NKAIN2: variants seen among roughly 807,000 people sequenced by gnomAD.
NKAIN2 encodes the protein sodium/potassium transporting ATPase interacting 2, also known as sodium/potassium-transporting ATPase subunit beta-1-interacting protein 2.
NKAIN2 carries 14 observed loss-of-function variants against 32.6 expected under a neutral mutation model. That is an observed-to-expected ratio of 0.43 (90% CI 0.28 to 0.67). NKAIN2 has a LOEUF of 0.67. NKAIN2 is among the 30% of genes least tolerant of loss of function. The probability of loss-of-function intolerance (pLI) is 0.17; values close to 1 mark genes in which losing one functional copy is unlikely to be tolerated. For synonymous variants in NKAIN2, 80 were observed against 87.2 expected (o/e 0.92, Z 0.46); for missense variants, 198 against 258.3 (o/e 0.77, Z 1.60).
intron 1 of NKAIN2, among the ~76,000 whole-genome samples, chr6:123,873,201 A>G (rs1277787688): frequency 5.1e-5 from 3 of 59,306 alleles, no homozygotes; most frequent in East Asian, 8.7e-4. Context: ...CCCACCCGCC[A>G]TGGAAGAGCT....
At chr6:124,420,494 G>A (rs1454874672) in intron 3 of NKAIN2, among the ~76,000 whole-genome samples, 1 of 152,068 alleles carries the variant, frequency 6.6e-6, no homozygotes, top group Middle Eastern at 3.2e-3. Context: ...ACAAAGAAAA[G>A]CATAAAGCTA....
At chr6:124,491,677 G>A (rs1462546116) in intron 3 of NKAIN2, among the ~76,000 whole-genome samples, 2 of 151,828 alleles carry the variant, frequency 1.3e-5, no homozygotes, top group African/African-American at 4.8e-5. Context: ...TATCTTTGAA[G>A]AGAATGTTCA....
chr6:124,588,252 A>T (rs1159525332), intron 3 of NKAIN2, among the ~76,000 whole-genome samples: 2 of 152,194 alleles, frequency 1.3e-5, no homozygotes, highest in African/African-American at 4.8e-5. Flanking sequence ...TGTACACATC[A>T]CTTTAAGTAT....
intron 1 of NKAIN2, among the ~76,000 whole-genome samples, chr6:124,086,030 TA>T (rs1784175893): frequency 6.6e-6 from 1 of 151,986 alleles, no homozygotes; most frequent in Non-Finnish European, 1.5e-5. Context: ...AGTTTTCATA[TA>T]AAAGAAGGAT....
intron 2 of NKAIN2, among the ~76,000 whole-genome samples, chr6:124,303,358 G>T (rs904895109): frequency 6.6e-6 from 1 of 152,168 alleles, no homozygotes; most frequent in African/African-American, 2.4e-5. Flanking sequence ...CTTATGTAAA[G>T]CATAGTCTTC....
intron 1 of NKAIN2, among the ~76,000 whole-genome samples, chr6:124,214,835 C>G (rs1426213248): frequency 6.6e-6 from 1 of 152,172 alleles, no homozygotes; most frequent in Non-Finnish European, 1.5e-5. Flanking sequence ...CCCATCTGAG[C>G]AATCAGACAT....
chr6:124,121,092 G>A (rs958219951), intron 1 of NKAIN2, among the ~76,000 whole-genome samples: 3 of 152,030 alleles, frequency 2.0e-5, no homozygotes, highest in African/African-American at 4.8e-5. Context: ...TTCTGCAAAC[G>A]GATAGAAATT....
chr6:124,156,081 TG>T (rs1235371668), intron 1 of NKAIN2, among the ~76,000 whole-genome samples: 4 of 152,060 alleles, frequency 2.6e-5, no homozygotes, highest in African/African-American at 9.7e-5. Context: ...AGGTTATTTT[TG>T]AAAAGATGTG....
intron 1 of NKAIN2, among the ~76,000 whole-genome samples, chr6:124,089,517 G>A (rs1166713262): frequency 6.6e-6 from 1 of 151,848 alleles, no homozygotes; most frequent in African/African-American, 2.4e-5. Flanking sequence ...TTCACCAGTA[G>A]AGCATACATT....
At chr6:124,128,248 AC>A (rs2115000939) in intron 1 of NKAIN2, among the ~76,000 whole-genome samples, 1 of 152,310 alleles carries the variant, frequency 6.6e-6, no homozygotes, top group African/African-American at 2.4e-5. Context: ...GAAATCTCAT[AC>A]CTGCATTATG....
intron 1 of NKAIN2, among the ~76,000 whole-genome samples, chr6:123,978,310 C>G (rs1022768328): frequency 2.0e-5 from 3 of 152,100 alleles, no homozygotes; most frequent in African/African-American, 7.2e-5. Context: ...ATAATTTAAA[C>G]TTATTGCTGC....
intron 1 of NKAIN2, among the ~76,000 whole-genome samples, chr6:124,101,887 GA>G (rs1265659477): frequency 6.6e-6 from 1 of 152,158 alleles, no homozygotes; most frequent in African/African-American, 2.4e-5. Context: ...ACAGAGCCTA[GA>G]TATAACCAGC....
chr6:124,397,801 A>T (rs1289746043), intron 3 of NKAIN2, among the ~76,000 whole-genome samples: 1 of 152,122 alleles, frequency 6.6e-6, no homozygotes, highest in African/African-American at 2.4e-5. Context: ...TGAAAGTCAA[A>T]ACTGTTTTTC....
chr6:123,858,969 A>G (rs1054706687), intron 1 of NKAIN2, among the ~76,000 whole-genome samples: 3 of 152,212 alleles, frequency 2.0e-5, no homozygotes, highest in Non-Finnish European at 4.4e-5. Context: ...TTATAAGCAC[A>G]TATATTGACA....
At chr6:123,971,422 C>A (rs12173621) in intron 1 of NKAIN2, among the ~76,000 whole-genome samples, 6,686 of 151,944 alleles carry the variant, frequency 0.044, 259 homozygotes, top group East Asian at 0.14. Flanking sequence ...TTTGTTCTTT[C>A]TTTTTGCACA....
intron 2 of NKAIN2, among the ~76,000 whole-genome samples, chr6:124,354,258 A>T (rs184856503): frequency 2.4e-4 from 36 of 152,144 alleles, no homozygotes; most frequent in Non-Finnish European, 4.6e-4. Flanking sequence ...ATAATGATCT[A>T]TTTTTAAAAA....
chr6:123,919,733 A>T (rs1339337352), intron 1 of NKAIN2, among the ~76,000 whole-genome samples: 2 of 152,136 alleles, frequency 1.3e-5, no homozygotes, highest in African/African-American at 4.8e-5. Context: ...TTCAAGATTT[A>T]ATAATCTCTC....
chr6:124,471,852 G>A (rs911930307), intron 3 of NKAIN2, among the ~76,000 whole-genome samples: 2 of 151,996 alleles, frequency 1.3e-5, no homozygotes, highest in Admixed American at 6.6e-5. Context: ...ACTTAATATA[G>A]GAGAAAATAA....
chr6:124,385,521 T>G (rs1333576604), intron 3 of NKAIN2, among the ~76,000 whole-genome samples: 2 of 152,164 alleles, frequency 1.3e-5, no homozygotes, highest in Admixed American at 1.3e-4. Flanking sequence ...CCCGACTCAC[T>G]GAATCGGTGT....
Sources: allele counts gnomAD v4.1 joint callset (sites outside exome capture counted in the v4.1 genomes callset), GRCh38; gene constraint gnomAD v4.1.1; transcripts MANE v1.5; gene names NCBI Gene and HGNC (gene_info 2026-07-23, HGNC 2026-07-21).